GMIP: variants seen among roughly 807,000 people sequenced by gnomAD.
GMIP encodes GEM-interacting protein.
Under a neutral mutation model 105.3 loss-of-function variants are expected in GMIP, and 54 were observed. The observed-to-expected ratio is 0.51, with a 90% CI of 0.41 to 0.64. The LOEUF is 0.64. GMIP is among the 30% of genes least tolerant of loss of function. The probability of loss-of-function intolerance (pLI) is 0.00; values close to 1 mark genes in which losing one functional copy is unlikely to be tolerated. For synonymous variants in GMIP, 541 were observed against 560.8 expected (o/e 0.96, Z 0.50); for missense variants, 1,110 against 1,319.4 (o/e 0.84, Z 2.46).
In GMIP at chr19:19,640,172, G is replaced by A; in HGVS notation, c.450C>T (p.Tyr150=). 6.2e-7 allele frequency: 1 copy of A among 1,611,976 alleles called. No homozygotes were observed. The highest frequency in any genetic ancestry group is 1.3e-5 in the African/African-American group (1 of 74,528). Residue 150 remains tyrosine (Y), a synonymous_variant, in exon 7 of 21, where the codon TAC becomes TAT. Transcript: ENST00000203556. Reference sequence around the variant, plus strand: ...CGTGCTCCAGAAACAGGGTGTAGATGTACTGCAGAGGCATGTGGCTCTGGG... The same window carrying A: ...CGTGCTCCAGAAACAGGGTGTAGATATACTGCAGAGGCATGTGGCTCTGGG... ...IQQQSHMPLQ[Y]IYTLFLEHDL...
chr19:19,631,269 T>C (rs1378933735), intron 19 of GMIP, among the ~76,000 whole-genome samples: 1 of 152,182 alleles, frequency 6.6e-6, no homozygotes, highest in Non-Finnish European at 1.5e-5. Context: ...GTCTGGACCG[T>C]GGGCTCCATG....
At position 19,630,129 on chromosome 19, in the gene GMIP, G is replaced by A. The variant is rs776254983; in HGVS notation, c.2747C>T (p.Ala916Val). ...GSLRGRGPSPAAASPEGSPLR... is the reference protein window; with the variant it reads ...GSLRGRGPSPVAASPEGSPLR... ...GGGGCTGCCCTCAGGGGAGGCAGCTGCAGGGCTGGGCCCCCGCCCCCGCAA... is the reference window on the plus strand; with the variant it reads ...GGGGCTGCCCTCAGGGGAGGCAGCTACAGGGCTGGGCCCCCGCCCCCGCAA... Residue 916 changes from alanine (A) to valine (V), a missense_variant, in exon 21 of 21, where the codon GCA becomes GTA. This residue lies in a region of GMIP where 394 missense variants were observed against 450.5 expected (regional missense o/e 0.87). Transcript: ENST00000203556. The surrounding 1 kb of genome is among the most constrained non-coding windows in gnomAD (Gnocchi z 4.8). 2 of 1,605,546 alleles carry A rather than the reference G, an allele frequency of 1.2e-6. No individual in the cohort carries two copies. Among genetic ancestry groups the A allele is most frequent in the Non-Finnish European group, 8.5e-7 (1 of 1,175,154 alleles).
rs775826139 is a variant in GMIP, at chr19:19,640,278, G to C, written c.429+18C>G. On this transcript the variant is annotated intron_variant, in intron 6 of 20. Transcript: ENST00000203556. ...TCTAGGGGGCTTGGGCTCTCCGGGG[G>C]GGTCTGGTCATGACTACCTGCTGTT... The C allele has an allele frequency of 6.2e-6, 10 of 1,611,666 alleles. No individual in the cohort carries two copies. The highest frequency in any genetic ancestry group is 8.5e-6 in the Non-Finnish European group (10 of 1,178,140).
Position 19,630,483 on chromosome 19 carries a change from C to G in GMIP, c.2527G>C (p.Gly843Arg), listed in dbSNP as rs138816376. 11,016 of 1,613,982 alleles carry G rather than the reference C, an allele frequency of 6.8e-3. 63 individuals are homozygous for G. Among genetic ancestry groups the G allele is most frequent in the Non-Finnish European group, 8.5e-3 (9,980 of 1,179,852 alleles). Residue 843 changes from glycine to arginine, a missense_variant, in exon 20 of 21, where the codon GGG (glycine) becomes CGG (arginine). Around this residue, in one of 3 missense-constraint regions of GMIP, gnomAD observed 394 missense variants for 450.5 expected, o/e 0.87. Coordinates refer to ENST00000203556, the MANE Select transcript of GMIP (RefSeq NM_016573.4). This position sits in a 1 kb window ranked among gnomAD's most constrained non-coding sequence, Gnocchi z 4.8. ...REDVAEDTKD[G>R]GGEVSSQGPE... is the part of the protein sequence containing the mutation. The stretch of plus-strand genomic sequence containing the variant: ...CTAACATACTCACCTTCCCCTCCCC[C>G]ATCTTTGGTGTCTTCAGCCACGTCC...
chr19:19,639,134 C>A (rs764803403), intron 7 of GMIP, among the ~76,000 whole-genome samples: 4 of 151,738 alleles, frequency 2.6e-5, no homozygotes, highest in Admixed American at 6.6e-5. Context: ...AGGGATCTCA[C>A]TATGTTGCCC....
At chr19:19,638,117 G>C in intron 9 of GMIP, 42 bp downstream of exon 9, 1 of 1,560,034 alleles carries the variant, frequency 6.4e-7, no homozygotes, top group Non-Finnish European at 8.6e-7. Context: ...TGGAGGGCAG[G>C]GGGCGCCACA....
rs2061863254 is a variant in GMIP at position 19,637,117 on chromosome 19, A to G, written c.1125-88T>C. The G allele has an allele frequency of 1.1e-6, 1 of 880,412 alleles. No homozygotes were observed. The highest frequency in any genetic ancestry group is 2.3e-5 in the Admixed American group (1 of 44,048). 54.5% of individuals were successfully genotyped at this position (880,412 alleles called of 1,614,324 possible). A position where few individuals can be genotyped will look rare whatever the true frequency, so the allele number is the denominator to read the frequency against. On this transcript the variant is annotated intron_variant, in intron 11 of 20. Transcript: ENST00000203556. This position sits in a 1 kb window ranked among gnomAD's most constrained non-coding sequence, Gnocchi z 6.7. The stretch of plus-strand genomic sequence containing the variant: ...GGCATCATGTCTAGGTACCAACTCC[A>G]AGCACTTGGGTCTGCAAACCCTGAC...
intron 4 of GMIP, among the ~76,000 whole-genome samples, chr19:19,641,587 T>C (rs1427247834): frequency 1.3e-5 from 2 of 152,212 alleles, no homozygotes; most frequent in Non-Finnish European, 2.9e-5. Flanking sequence ...GGTGTCTTAC[T>C]GTTGCCCAGC....
Position 19,636,755 on chromosome 19 carries a change from C to G in GMIP, c.1279G>C (p.Gly427Arg), listed in dbSNP as rs749963423. The change falls in exon 13 of 21, where the codon GGT (glycine) becomes CGT (arginine). Residue 427 changes from glycine (G) to arginine (R), a missense_variant. This residue lies in a region of GMIP where 667 missense variants were observed against 773.2 expected (regional missense o/e 0.86). Coordinates refer to ENST00000203556, the MANE Select transcript of GMIP (RefSeq NM_016573.4). ...PTPGSDVDSV[G>R]GGSESRSLDS... is the part of the protein sequence containing the mutation. Reference sequence around the variant, plus strand: ...AGGGACCGAGACTCGCTGCCGCCACCCACGCTGTCCACATCGCTGCCCGGA... The same window carrying G: ...AGGGACCGAGACTCGCTGCCGCCACGCACGCTGTCCACATCGCTGCCCGGA... 6.2e-7 allele frequency: 1 copy of G among 1,613,622 alleles called. No individual in the cohort carries two copies. Among genetic ancestry groups the G allele is most frequent in the South Asian group, 1.1e-5 (1 of 91,036 alleles).
chr19:19,632,657 G>A (rs949150515), intron 19 of GMIP, among the ~76,000 whole-genome samples: 1 of 152,188 alleles, frequency 6.6e-6, no homozygotes, highest in African/African-American at 2.4e-5. Context: ...GGACTGTGGA[G>A]AGGACAACAG....
chr19:19,642,120 C>CT (rs1452860791), intron 2 of GMIP, 69 bp from the exon 3 acceptor site: 9 of 1,007,982 alleles, frequency 8.9e-6, no homozygotes, highest in Non-Finnish European at 1.2e-5. Flanking sequence ...TGCTGGGGAC[C>CT]TTAGGGTTGT....
In GMIP at chr19:19,637,478, C is replaced by T; in HGVS notation, c.1011G>A (p.Ala337=). The T allele has an allele frequency of 1.3e-6, 2 of 1,539,256 alleles. No individual in the cohort carries two copies. The highest frequency in any genetic ancestry group is 1.7e-6 in the Non-Finnish European group (2 of 1,143,394). The change falls in exon 11 of 21, where the codon GCG becomes GCA. Residue 337 remains alanine (A), a synonymous_variant. Coordinates refer to ENST00000203556, the MANE Select transcript of GMIP (RefSeq NM_016573.4). This position sits in a 1 kb window ranked among gnomAD's most constrained non-coding sequence, Gnocchi z 6.7. Reference sequence around the variant, plus strand: ...GGTAGCGCTGGCCCGGCTCAAAGGGCGCACAGCACTCGGCCAGGGCGGCGA... The same window carrying T: ...GGTAGCGCTGGCCCGGCTCAAAGGGTGCACAGCACTCGGCCAGGGCGGCGA... The part of the protein sequence containing the change: ...RAFAALAECC[A]PFEPGQRYQE...
chr19:19,633,456 A>G (rs1311534537), intron 19 of GMIP, among the ~76,000 whole-genome samples: 1 of 152,114 alleles, frequency 6.6e-6, no homozygotes, highest in Non-Finnish European at 1.5e-5. Context: ...TTCTTTCCCC[A>G]CTAAAACACA....
Position 19,633,841 on chromosome 19 carries a change from T to C in GMIP, c.2434A>G (p.Ser812Gly), listed in dbSNP as rs2144841877. 1.3e-6 allele frequency: 2 copies of C among 1,497,342 alleles called. No individual in the cohort carries two copies. Among genetic ancestry groups the C allele is most frequent in the East Asian group, 2.3e-5 (1 of 43,042 alleles). 92.8% of individuals were successfully genotyped at this position (1,497,342 alleles called of 1,614,324 possible). A position where few individuals can be genotyped will look rare whatever the true frequency, so the allele number is the denominator to read the frequency against. ...SDPGPDPQHH[S>G]TLEQHPTATP... ...GCCGTGGGATGCTGCTCCAGGGTAC[T>C]GTGGTGCTGGGGGTCTGGGCCGGGG... is the stretch of plus-strand genomic sequence containing the variant. The change falls in exon 19 of 21, where the codon AGT (serine) becomes GGT (glycine). Residue 812 changes from serine (S) to glycine (G), a missense_variant. Ser to Gly is a moderately conservative substitution (Grantham distance 56). This residue lies in a region of GMIP where 394 missense variants were observed against 450.5 expected (regional missense o/e 0.87). Coordinates refer to ENST00000203556, the MANE Select transcript of GMIP (RefSeq NM_016573.4).
intron 6 of GMIP, 24 bp from the exon 7 acceptor site, chr19:19,640,216 G>A (rs1406608599): frequency 2.5e-6 from 4 of 1,586,038 alleles, no homozygotes; most frequent in Non-Finnish European, 3.5e-6. Context: ...AGTGGTGTAG[G>A]AGGATACTGA....
In GMIP at chr19:19,629,881, G is replaced by T; in HGVS notation, c.*82C>A. On this transcript the variant is annotated 3_prime_UTR_variant, in exon 21 of 21. Coordinates refer to ENST00000203556, the MANE Select transcript of GMIP (RefSeq NM_016573.4). ...GCATTGAACTCCTGGCGGGGTGTTT[G>T]GCCACTAGGTGGTGGGAGGTAGGGA... 1 of 1,372,482 alleles carries T rather than the reference G, an allele frequency of 7.3e-7. No homozygotes were observed. The highest frequency in any genetic ancestry group is 9.9e-7 in the Non-Finnish European group (1 of 1,012,732). The allele number at this position is 1,372,482 out of a possible 1,614,324, so 85.0% of individuals were successfully genotyped here.
At position 19,634,190 on chromosome 19, in the gene GMIP, C is replaced by T. The variant is rs369818211; in HGVS notation, c.2085G>A (p.Arg695=). The T allele has an allele frequency of 7.5e-6, 12 of 1,589,960 alleles. No homozygotes were observed. Among genetic ancestry groups the T allele is most frequent in the African/African-American group, 1.3e-5 (1 of 74,576 alleles). The part of the protein sequence containing the change: ...TLRHLVAHLF[R]VAARFMENKM... Reference sequence around the variant, plus strand: ...TGTTTTCCATAAATCGTGCAGCCACCCTGGGGATGGTGTGAAGAGAAAGGT... The same window carrying T: ...TGTTTTCCATAAATCGTGCAGCCACTCTGGGGATGGTGTGAAGAGAAAGGT... The change falls in exon 19 of 21, where the codon AGG becomes AGA. Residue 695 remains arginine (R), a splice_region_variant and synonymous_variant. Transcript: ENST00000203556. This position sits in a 1 kb window ranked among gnomAD's most constrained non-coding sequence, Gnocchi z 6.1.
In GMIP at chr19:19,635,069, T is replaced by C. The variant is rs767951734; in HGVS notation, c.1705A>G (p.Thr569Ala). 1 of 1,614,058 alleles carries C rather than the reference T, an allele frequency of 6.2e-7. No homozygotes were observed. Among genetic ancestry groups the C allele is most frequent in the African/African-American group, 1.3e-5 (1 of 75,046 alleles). ...TGTTCTATCTCAGCCGTGCACTTCGTGACCACAAAGGGTACCTCCTCCGGG... is the reference window on the plus strand; with the variant it reads ...TGTTCTATCTCAGCCGTGCACTTCGCGACCACAAAGGGTACCTCCTCCGGG... ...DFPEEVPFVVTKCTAEIEHRA... is the reference protein window; with the variant it reads ...DFPEEVPFVVAKCTAEIEHRA... Residue 569 changes from threonine (T) to alanine (A), a missense_variant, in exon 16 of 21, where the codon ACG becomes GCG. By Grantham distance (58) the Thr-to-Ala change is moderately conservative. Coordinates refer to ENST00000203556, the MANE Select transcript of GMIP (RefSeq NM_016573.4). The surrounding 1 kb of genome is among the most constrained non-coding windows in gnomAD (Gnocchi z 4.7).
Position 19,630,208 on chromosome 19 carries a change from C to T in GMIP, c.2668G>A (p.Val890Met). ...GTCTCCTCGCACAGCTTGGAAGCCA[C>T]CAGGGCCAGACTGGACAGCTGGTGG... ...VTHQLSSLAL[V>M]ASKLCEETPI... Residue 890 changes from valine to methionine, a missense_variant, in exon 21 of 21, where the codon GTG becomes ATG. Coordinates refer to ENST00000203556, the MANE Select transcript of GMIP (RefSeq NM_016573.4). This position sits in a 1 kb window ranked among gnomAD's most constrained non-coding sequence, Gnocchi z 4.8. The T allele has an allele frequency of 1.9e-6, 3 of 1,598,646 alleles. No individual in the cohort carries two copies. The highest frequency in any genetic ancestry group is 2.6e-6 in the Non-Finnish European group (3 of 1,169,006).
Sources: gnomAD v4.1 joint callset for allele counts (sites outside exome capture counted in the v4.1 genomes callset) on GRCh38, gnomAD v4.1.1 for gene constraint, gnomAD v4.1.1 regional missense constraint, Gnocchi (gnomAD v3.1) non-coding constraint, MANE v1.5 for transcripts, NCBI Gene and HGNC (gene_info 2026-07-23, HGNC 2026-07-21) for gene names.